GRM7: variants seen among roughly 807,000 people sequenced by gnomAD.
The protein encoded by GRM7 is metabotropic glutamate receptor 7.
In GRM7, 35 loss-of-function variants were observed where a neutral mutation model predicts 84.5. The observed-to-expected ratio is 0.41, with a 90% CI of 0.32 to 0.55. The LOEUF is 0.55. GRM7 is among the 20% of genes least tolerant of loss of function. The probability of loss-of-function intolerance (pLI) is 0.19; values close to 1 mark genes in which losing one functional copy is unlikely to be tolerated. For missense variants in GRM7, 1,003 were observed against 1,194.6 expected, an observed-to-expected ratio of 0.84 and a Z score of 2.36; for synonymous variants, 487 against 455.1, an observed-to-expected ratio of 1.07 and a Z score of -0.89.
chr3:7,665,861 A>ATATT (rs1345863166), intron 8 of GRM7, among the ~76,000 whole-genome samples: 2 of 152,180 alleles, frequency 1.3e-5, no homozygotes, highest in African/African-American at 4.8e-5. Context: ...CACCCGTTAT[A>ATATT]TATTTACACC....
At chr3:7,119,665 C>T (rs528431546) in intron 1 of GRM7, among the ~76,000 whole-genome samples, 1 of 152,080 alleles carries the variant, frequency 6.6e-6, no homozygotes, top group Admixed American at 6.6e-5. Context: ...CACGTTAGGC[C>T]AAATCCTGTA....
At chr3:7,706,009 G>A (rs531943837) in intron 9 of GRM7, among the ~76,000 whole-genome samples, 55 of 152,128 alleles carry the variant, frequency 3.6e-4, no homozygotes, top group Non-Finnish European at 6.6e-4. Context: ...GGTAGAGCAG[G>A]AAAGAAGTGG....
chr3:6,861,787 C>A lies in GRM7; in HGVS notation c.399C>A (p.Asp133Glu), dbSNP rs570680005. Residue 133 changes from aspartate (D) to glutamate (E), a missense_variant, in exon 1 of 10, where the codon GAC becomes GAA. This residue lies in a region of GRM7 where 910 missense variants were observed against 1,126.0 expected (regional missense o/e 0.81). Coordinates refer to ENST00000357716, the MANE Select transcript of GRM7 (RefSeq NM_000844.4). The surrounding 1 kb of genome is among the most constrained non-coding windows in gnomAD (Gnocchi z 6.4). Reference sequence around the variant, plus strand: ...CGCTCATCCAGAAGGACACCTCCGACGTGCGCTGCACCAACGGCGAACCGC... The same window carrying A: ...CGCTCATCCAGAAGGACACCTCCGAAGTGCGCTGCACCAACGGCGAACCGC... Reference protein sequence around the residue: ...VQALIQKDTSDVRCTNGEPPV... With the variant: ...VQALIQKDTSEVRCTNGEPPV... The A allele has an allele frequency of 1.9e-6, 3 of 1,614,222 alleles. No individual in the cohort carries two copies. The highest frequency in any genetic ancestry group is 1.1e-5 in the South Asian group (1 of 91,090).
At chr3:7,653,131 C>T (rs898554077) in intron 8 of GRM7, among the ~76,000 whole-genome samples, 1 of 149,656 alleles carries the variant, frequency 6.7e-6, no homozygotes, top group African/African-American at 2.5e-5. Flanking sequence ...TCTCCTTAGC[C>T]TGCTTTGTGT....
At chr3:7,497,085 C>T (rs1438974894) in intron 7 of GRM7, among the ~76,000 whole-genome samples, 1 of 151,372 alleles carries the variant, frequency 6.6e-6, no homozygotes, top group African/African-American at 2.4e-5. Flanking sequence ...TAGAGAAGGC[C>T]ATCAGGTTAT....
At chr3:7,126,612 G>T (rs1693409184) in intron 1 of GRM7, among the ~76,000 whole-genome samples, 2 of 152,176 alleles carry the variant, frequency 1.3e-5, no homozygotes, top group Non-Finnish European at 2.9e-5. Context: ...TGAGGGAAAG[G>T]ACTGAGTTAG....
At chr3:7,136,515 T>G (rs1036552863) in intron 1 of GRM7, among the ~76,000 whole-genome samples, 1 of 152,074 alleles carries the variant, frequency 6.6e-6, no homozygotes, top group Non-Finnish European at 1.5e-5. Context: ...AATGATAGCT[T>G]TCTTTCTCCT....
At chr3:7,282,342 G>T (rs763957161) in intron 2 of GRM7, among the ~76,000 whole-genome samples, 7 of 152,108 alleles carry the variant, frequency 4.6e-5, no homozygotes, top group Admixed American at 2.0e-4. Flanking sequence ...AAACTCTTGA[G>T]AATTATTTTC....
chr3:7,251,618 A>G (rs1241279425), intron 2 of GRM7, among the ~76,000 whole-genome samples: 1 of 152,170 alleles, frequency 6.6e-6, no homozygotes, highest in Admixed American at 6.5e-5. Context: ...TGTGAGACAG[A>G]TCTGTCATAG....
intron 2 of GRM7, among the ~76,000 whole-genome samples, chr3:7,261,093 G>A (rs1698404949): frequency 6.6e-6 from 1 of 152,114 alleles, no homozygotes; most frequent in Non-Finnish European, 1.5e-5. Context: ...TGGCCAGCTT[G>A]CCTATCTTTC....
chr3:7,015,602 C>T (rs1019203001), intron 1 of GRM7, among the ~76,000 whole-genome samples: 2 of 152,208 alleles, frequency 1.3e-5, no homozygotes, highest in African/African-American at 2.4e-5. Context: ...CTGGTTCTGG[C>T]TTAAGGTCCA....
chr3:7,266,840 TTTCTACCAAGTA>T (rs1173870946), intron 2 of GRM7, among the ~76,000 whole-genome samples: 90 of 152,350 alleles, frequency 5.9e-4, no homozygotes, highest in African/African-American at 2.0e-3. Context: ...GGTTTCTGGT[TTTCTACCAAGTA>T]TTCTCAAATA....
At chr3:7,261,290 A>G (rs1698412688) in intron 2 of GRM7, among the ~76,000 whole-genome samples, 1 of 152,186 alleles carries the variant, frequency 6.6e-6, no homozygotes, top group Non-Finnish European at 1.5e-5. Context: ...AGATCAGGTT[A>G]TTTAATTTCC....
rs976041034 is a variant in GRM7 at position 6,862,036 on chromosome 3, C to G, written c.519+129C>G. On this transcript the variant is annotated intron_variant, in intron 1 of 9. Coordinates refer to ENST00000357716, the MANE Select transcript of GRM7 (RefSeq NM_000844.4). The surrounding 1 kb of genome is among the most constrained non-coding windows in gnomAD (Gnocchi z 5.2). ...CTCATTTCCTCCCTGGAGATCCTGC[C>G]GAATCCCTCCCACCCCGCTCGAGGA... 2.2e-5 allele frequency: 16 copies of G among 717,308 alleles called. No homozygotes were observed. In the East Asian group the frequency reaches 3.8e-4, roughly 17 times the overall value. The allele number at this position is 717,308 out of a possible 1,614,324, so 44.4% of individuals were successfully genotyped here.
intron 7 of GRM7, among the ~76,000 whole-genome samples, chr3:7,500,865 C>T (rs890487178): frequency 1.3e-5 from 2 of 152,178 alleles, no homozygotes; most frequent in Non-Finnish European, 2.9e-5. Context: ...ATACTTGGTA[C>T]AGACTCAAGC....
In GRM7 at chr3:7,498,305, A is replaced by G. The variant is rs575617087; in HGVS notation, c.1515+36583A>G. On this transcript the variant is annotated intron_variant, in intron 7 of 9. Coordinates refer to ENST00000357716, the MANE Select transcript of GRM7 (RefSeq NM_000844.4). ...ATAGCCTACAATGCATTTACCCTAC[A>G]GGGTTTAGAGTTGGGGACAGTAATT... 1.6e-4 allele frequency among the ~76,000 whole-genome samples: 24 copies of G among 152,282 alleles called. No homozygotes were observed. The East Asian group carries it at 4.4e-3, about 28-fold the overall frequency.
At chr3:7,510,601 A>G (rs1405060930) in intron 7 of GRM7, among the ~76,000 whole-genome samples, 1 of 152,164 alleles carries the variant, frequency 6.6e-6, no homozygotes, top group Non-Finnish European at 1.5e-5. Flanking sequence ...CTTGGGTAAG[A>G]TTAGGTAAAA....
At chr3:7,699,754 C>T (rs1701158239) in intron 9 of GRM7, among the ~76,000 whole-genome samples, 1 of 152,066 alleles carries the variant, frequency 6.6e-6, no homozygotes, top group Admixed American at 6.5e-5. Context: ...CAGTTCCAAG[C>T]TTCTAACCAA....
Position 6,900,014 on chromosome 3 carries a change from G to A in GRM7, c.519+38107G>A, listed in dbSNP as rs9813626. Among the ~76,000 whole-genome samples the A allele has an allele frequency of 6.2e-3, 939 of 152,172 alleles. 5 individuals are homozygous for A. The highest frequency in any genetic ancestry group is 0.022 in the African/African-American group (901 of 41,508). On this transcript the variant is annotated intron_variant, in intron 1 of 9. Transcript: ENST00000357716. ...GGAAAAAGGCAAAACAAAATAATTG[G>A]AGCAATAATGGATACAGATATAACA...
Sources: gnomAD v4.1 joint callset for allele counts (sites outside exome capture counted in the v4.1 genomes callset) on GRCh38, gnomAD v4.1.1 for gene constraint, gnomAD v4.1.1 regional missense constraint, Gnocchi (gnomAD v3.1) non-coding constraint, MANE v1.5 for transcripts, NCBI Gene and HGNC (gene_info 2026-07-23, HGNC 2026-07-21) for gene names.